Variants in RNF175 observed in about 807,000 individuals in gnomAD.
RNF175 encodes the protein ring finger protein 175.
RNF175 carries 38 observed loss-of-function variants against 50.0 expected under a neutral mutation model. The observed-to-expected ratio is 0.76, with a 90% confidence interval of 0.59 to 1.00. RNF175 has a LOEUF of 1.00. Among genes scored for constraint, RNF175 ranks in the 50% least tolerant of loss-of-function variants. The probability of loss-of-function intolerance (pLI) is 0.00; values close to 1 mark genes in which losing one functional copy is unlikely to be tolerated. For missense variants in RNF175, 388 were observed against 409.6 expected (o/e 0.95, Z 0.46); for synonymous variants, 155 against 146.1 (o/e 1.06, Z -0.44).
intron 6 of RNF175, among the ~76,000 whole-genome samples, chr4:153,719,194 G>A (rs1738170116): frequency 6.6e-6 from 1 of 152,168 alleles, no homozygotes. Context: ...GTACAAGTGA[G>A]AATAGGCAGT....
intron 2 of RNF175, among the ~76,000 whole-genome samples, chr4:153,750,287 C>G (rs1740213828): frequency 6.6e-6 from 1 of 152,116 alleles, no homozygotes; most frequent in African/African-American, 2.4e-5. Flanking sequence ...AGATAGTGAC[C>G]TTTTAAAGGC....
intron 8 of RNF175, 111 bp downstream of exon 8, chr4:153,712,361 AAAC>A (rs1320111766): frequency 5.8e-6 from 4 of 691,636 alleles, no homozygotes; most frequent in Non-Finnish European, 9.8e-6. Flanking sequence ...TGGTTAGGGA[AAAC>A]AAAAAATTTT....
chr4:153,721,604 C>T (rs1200925262), intron 5 of RNF175, among the ~76,000 whole-genome samples: 2 of 152,112 alleles, frequency 1.3e-5, no homozygotes, highest in Non-Finnish European at 2.9e-5. Context: ...CAGTAACACA[C>T]TTGTGGCTCC....
intron 1 of RNF175, among the ~76,000 whole-genome samples, chr4:153,752,569 A>G (rs1416585343): frequency 6.6e-6 from 1 of 152,232 alleles, no homozygotes; most frequent in African/African-American, 2.4e-5. Flanking sequence ...GAGAAAGAAA[A>G]CCTTAAAAGT....
chr4:153,721,266 A>C (rs1204146981), intron 5 of RNF175: 1 of 152,210 alleles, frequency 6.6e-6, no homozygotes, highest in Non-Finnish European at 1.5e-5. Flanking sequence ...TCTATAAAAC[A>C]ATCTCAAATA....
At chr4:153,754,483 T>C (rs549131023) in intron 1 of RNF175, among the ~76,000 whole-genome samples, 28 of 152,274 alleles carry the variant, frequency 1.8e-4, no homozygotes, top group Admixed American at 3.9e-4. Flanking sequence ...CACAGCTTCC[T>C]TGGGAGTCAG....
chr4:153,748,845 AAAAAC>A (rs1321137582), intron 2 of RNF175, 59 bp from the exon 3 acceptor site: 2 of 1,427,714 alleles, frequency 1.4e-6, no homozygotes, highest in South Asian at 1.4e-5. Flanking sequence ...ATTTAGCAAA[AAAAAC>A]AAAAAACAAA....
intron 3 of RNF175, among the ~76,000 whole-genome samples, chr4:153,739,667 A>G (rs778559262): frequency 2.0e-5 from 3 of 152,200 alleles, no homozygotes; most frequent in Admixed American, 1.3e-4. Context: ...TGGATATAGA[A>G]TCCTAGACTG....
intron 1 of RNF175, among the ~76,000 whole-genome samples, chr4:153,756,900 C>A (rs2127170865): frequency 6.6e-6 from 1 of 152,288 alleles, no homozygotes; most frequent in South Asian, 2.1e-4. Context: ...TGCAGGGTGT[C>A]CCCCTCCTCT....
chr4:153,733,155 A>G (rs1263421715), intron 3 of RNF175, among the ~76,000 whole-genome samples: 2 of 152,230 alleles, frequency 1.3e-5, no homozygotes, highest in Non-Finnish European at 2.9e-5. Context: ...AGACGGGCAT[A>G]CTTGTTAAAA....
At chr4:153,746,705 G>A (rs896867950) in intron 3 of RNF175, among the ~76,000 whole-genome samples, 5 of 152,226 alleles carry the variant, frequency 3.3e-5, no homozygotes, top group Admixed American at 2.0e-4. Context: ...GCTCCCCTAG[G>A]CCTAGTGAGG....
intron 3 of RNF175, among the ~76,000 whole-genome samples, chr4:153,732,087 C>G (rs1739071474): frequency 6.6e-6 from 1 of 152,014 alleles, no homozygotes; most frequent in South Asian, 2.1e-4. Flanking sequence ...CAAAAATTAG[C>G]TGGGCGAGGT....
chr4:153,742,833 G>A (rs1476160684), intron 3 of RNF175, among the ~76,000 whole-genome samples: 4 of 150,110 alleles, frequency 2.7e-5, no homozygotes, highest in Non-Finnish European at 5.9e-5. Flanking sequence ...GAGTATTATA[G>A]TAATTATAAT....
At chr4:153,738,687 A>G (rs1400459368) in intron 3 of RNF175, among the ~76,000 whole-genome samples, 1 of 152,136 alleles carries the variant, frequency 6.6e-6, no homozygotes, top group African/African-American at 2.4e-5. Context: ...TTGTATTTTA[A>G]TTTTTATATT....
At chr4:153,725,122 C>G (rs1738619593) in intron 4 of RNF175, among the ~76,000 whole-genome samples, 1 of 145,360 alleles carries the variant, frequency 6.9e-6, no homozygotes, top group Admixed American at 6.8e-5. Context: ...CAGGGGTGAA[C>G]TGCGTGGGGG....
rs1262665052 is a variant in RNF175 at position 153,723,436 on chromosome 4, A to G, written c.424T>C (p.Leu142=). 5 of 1,599,180 alleles carry G rather than the reference A, an allele frequency of 3.1e-6. No homozygotes were observed. Among genetic ancestry groups the G allele is most frequent in the Non-Finnish European group, 4.3e-6 (5 of 1,167,286 alleles). Residue 142 remains leucine, a synonymous_variant, in exon 5 of 9, where the codon TTG becomes CTG. Transcript: ENST00000347063. ...TPRLVYKWFL[L]IYKLSYAFGV... is the part of the protein sequence containing the mutation. ...AATGCATAGCTGAGTTTGTAGATCA[A>G]AAGAAACCATTTGTAGACCAATCTG...
At chr4:153,755,921 A>G (rs922672919) in intron 1 of RNF175, among the ~76,000 whole-genome samples, 1 of 152,214 alleles carries the variant, frequency 6.6e-6, no homozygotes, top group African/African-American at 2.4e-5. Flanking sequence ...CATATTCTGA[A>G]CAGAAAAAGC....
At chr4:153,727,034 G>A (rs1229004955) in intron 4 of RNF175, among the ~76,000 whole-genome samples, 1 of 152,182 alleles carries the variant, frequency 6.6e-6, no homozygotes, top group African/African-American at 2.4e-5. Flanking sequence ...GCCTTTAGAT[G>A]GGGTAATTCA....
intron 3 of RNF175, among the ~76,000 whole-genome samples, chr4:153,732,878 C>T (rs1235796529): frequency 5.9e-5 from 9 of 152,170 alleles, no homozygotes; most frequent in African/African-American, 1.7e-4. Context: ...TTCAAATACC[C>T]GGATGCTTGG....
Sources: gnomAD v4.1 joint callset for allele counts (sites outside exome capture counted in the v4.1 genomes callset) on GRCh38, gnomAD v4.1.1 for gene constraint, MANE v1.5 for transcripts, NCBI Gene and HGNC (gene_info 2026-07-23, HGNC 2026-07-21) for gene names.